Variants in TAPBP observed in about 807,000 individuals in gnomAD.
TAPBP encodes the protein tapasin.
A neutral mutation model predicts 45.7 loss-of-function variants in TAPBP; 38 were observed. That is an observed-to-expected ratio of 0.83 (90% CI 0.64 to 1.09). The LOEUF (loss-of-function observed/expected upper bound fraction) is 1.09, where lower values mean the gene tolerates loss of function less well. Ranked by LOEUF, TAPBP falls within the 50% of genes least tolerant of loss-of-function variation. The pLI, the probability that TAPBP is intolerant of heterozygous loss-of-function variation, is 0.00. For missense variants in TAPBP, 513 were observed against 587.3 expected (o/e 0.87, Z 1.31); for synonymous variants, 226 against 254.8 (o/e 0.89, Z 1.08).
Position 33,304,594 on chromosome 6 carries a change from C to A in TAPBP, c.913G>T (p.Ala305Ser), listed in dbSNP as rs199710908. Residue 305 changes from alanine (A) to serine (S), a missense_variant, in exon 5 of 8, where the codon GCC becomes TCC. Transcript: ENST00000434618. ...AATTCCGGGGGTGCCTCCCCTGGGG[C>A]GGCCCGTGCAAGGGTTGCTGGCATC... ...SLMPATLARAAPGEAPPELLC... is the reference protein window; with the variant it reads ...SLMPATLARASPGEAPPELLC... 1.4e-5 allele frequency: 23 copies of A among 1,596,080 alleles called. No homozygotes were observed. The highest frequency in any genetic ancestry group is 2.0e-5 in the Non-Finnish European group (23 of 1,176,734).
intron 3 of TAPBP, among the ~76,000 whole-genome samples, chr6:33,310,121 G>T (rs935110162): frequency 1.3e-5 from 2 of 151,894 alleles, no homozygotes; most frequent in African/African-American, 4.8e-5. Context: ...ACCTCCCAAA[G>T]TGCTGGAAGT....
intron 3 of TAPBP, among the ~76,000 whole-genome samples, chr6:33,310,653 CA>C (rs1036709256): frequency 7.9e-5 from 12 of 151,406 alleles, no homozygotes; most frequent in African/African-American, 1.2e-4. Flanking sequence ...CCCATCTCCA[CA>C]AAAAAAATAC....
rs1238266716 is a variant in TAPBP at position 33,309,547 on chromosome 6, G to GA, written c.469+3669dup. On this transcript the variant is annotated intron_variant, in intron 3 of 7. Coordinates refer to ENST00000434618, the MANE Select transcript of TAPBP (RefSeq NM_003190.5). The stretch of plus-strand genomic sequence containing the variant: ...AGCAAGACCCCATCTCTATTTAAAA[G>GA]AAAAAATTTAAAAAAATAATAAACA... 2.3e-5 allele frequency among the ~76,000 whole-genome samples: 3 copies of GA among 129,792 alleles called. No homozygotes were observed. The East Asian group carries it at 7.0e-4, about 30-fold the overall frequency. 85.1% of individuals were successfully genotyped at this position (129,792 alleles called of 152,430 possible).
In TAPBP at chr6:33,299,994, G is replaced by A. The variant is rs1037966489; in HGVS notation, c.*1766C>T. 1.3e-5 allele frequency: 2 copies of A among 153,882 alleles called. No homozygotes were observed. Among genetic ancestry groups the A allele is most frequent in the East Asian group, 1.9e-4 (1 of 5,200 alleles). The allele number at this position is 153,882 out of a possible 1,614,324, so 9.5% of individuals were successfully genotyped here. A position where few individuals can be genotyped will look rare whatever the true frequency, so the allele number is the denominator to read the frequency against. The stretch of plus-strand genomic sequence containing the variant: ...ACAACTGTGGTGAACCGCACAAGAG[G>A]GACGCGCGGCGGTCTGCGGGGAATG... On this transcript the variant is annotated 3_prime_UTR_variant, in exon 8 of 8. Coordinates refer to ENST00000434618, the MANE Select transcript of TAPBP (RefSeq NM_003190.5). The surrounding 1 kb of genome is among the most constrained non-coding windows in gnomAD (Gnocchi z 5.0).
intron 7 of TAPBP, 110 bp downstream of exon 7, chr6:33,303,845 T>C (rs1443986227): frequency 6.2e-7 from 1 of 1,607,106 alleles, no homozygotes; most frequent in East Asian, 2.2e-5. Flanking sequence ...CAGTGTGAAT[T>C]CCAAGCCTAG....
intron 3 of TAPBP, among the ~76,000 whole-genome samples, chr6:33,309,241 C>A (rs143200624): frequency 6.6e-6 from 1 of 151,854 alleles, no homozygotes; most frequent in East Asian, 1.9e-4. Context: ...CAGAATTATC[C>A]GGGCATGGTG....
rs116438544 is a variant in TAPBP, at chr6:33,308,420, C to T, written c.470-3033G>A. On this transcript the variant is annotated intron_variant, in intron 3 of 7. Transcript: ENST00000434618. ...AAGAACTTCTGATGGTTCGCTCTCA[C>T]CTACAGAACAAAGCCCAGCTTTCAA... is the stretch of plus-strand genomic sequence containing the variant. Among the ~76,000 whole-genome samples, 1,237 of 152,242 alleles carry T rather than the reference C, an allele frequency of 8.1e-3. 11 individuals carry two copies. Among genetic ancestry groups the T allele is most frequent in the African/African-American group, 0.028 (1,168 of 41,524 alleles).
At chr6:33,301,875 G>C in intron 7 of TAPBP, 104 bp from the exon 8 acceptor site, 3 of 1,532,582 alleles carry the variant, frequency 2.0e-6, no homozygotes, top group Non-Finnish European at 2.7e-6. Context: ...CAGATGATGG[G>C]AGAAGGATGA....
Position 33,301,764 on chromosome 6 carries a change from T to G in TAPBP, c.1343A>C (p.Glu448Ala). The change falls in exon 8 of 8, where the codon GAG becomes GCG. Residue 448 changes from glutamate (E) to alanine (A), a missense_variant. Physicochemically the swap from Glu to Ala is moderately radical, Grantham distance 107. Coordinates refer to ENST00000434618, the MANE Select transcript of TAPBP (RefSeq NM_003190.5). ...ACAGGATGGCAGTGAGTGCCCTCAC[T>G]CTGCTTTCTGGAAGAGAGGAAGGTG... ...STCKDSKKKA[E>A] 6.2e-7 allele frequency: 1 copy of G among 1,614,084 alleles called. No homozygotes were observed. Among genetic ancestry groups the G allele is most frequent in the Non-Finnish European group, 8.5e-7 (1 of 1,179,966 alleles).
rs1244026684 is a variant in TAPBP at position 33,304,488 on chromosome 6, G to C, written c.1019C>G (p.Ser340Cys). Reference sequence around the variant, plus strand: ...CCACCTCTGCCCCTCGGCCTTCTGAGAGCGGCCCCCTGGGCCACCCCGGAG... The same window carrying C: ...CCACCTCTGCCCCTCGGCCTTCTGACAGCGGCCCCCTGGGCCACCCCGGAG... Reference protein sequence around the residue: ...WELRGGPGGRSQKAEGQRWLS... With the variant: ...WELRGGPGGRCQKAEGQRWLS... The change falls in exon 5 of 8, where the codon TCT (serine) becomes TGT (cysteine). Residue 340 changes from serine (S) to cysteine (C), a missense_variant. Coordinates refer to ENST00000434618, the MANE Select transcript of TAPBP (RefSeq NM_003190.5). 3.1e-6 allele frequency: 5 copies of C among 1,613,224 alleles called. No homozygotes were observed. The highest frequency in any genetic ancestry group is 1.1e-5 in the South Asian group (1 of 90,952).
At chr6:33,306,789 A>G (rs1180770833) in intron 3 of TAPBP, among the ~76,000 whole-genome samples, 2 of 151,272 alleles carry the variant, frequency 1.3e-5, no homozygotes, top group Non-Finnish European at 3.0e-5. Context: ...AACCAGCCTG[A>G]CCAACATGGT....
Position 33,313,707 on chromosome 6 carries a change from A to T in TAPBP, c.195T>A (p.Tyr65Ter). ...CTAGAGACTCACCGTGTACACTGAG[A>T]TAGAGCTCAGGGTCGAGGTCCGGCC... ...PPRPDLDPELYLSVHDPAGAL... is the reference protein window; with the variant it reads ...PPRPDLDPEL Residue 65 changes from tyrosine to a stop codon, truncating the protein, a stop_gained, in exon 2 of 8, where the codon TAT (tyrosine) becomes TAA (stop). Transcript: ENST00000434618. LOFTEE classifies it high-confidence loss of function. This position sits in a 1 kb window ranked among gnomAD's most constrained non-coding sequence, Gnocchi z 7.2. 1 of 1,613,076 alleles carries T rather than the reference A, an allele frequency of 6.2e-7. No individual in the cohort carries two copies. The highest frequency in any genetic ancestry group is 8.5e-7 in the Non-Finnish European group (1 of 1,179,830).
At chr6:33,309,193 G>A (rs1769169251) in intron 3 of TAPBP, among the ~76,000 whole-genome samples, 1 of 151,998 alleles carries the variant, frequency 6.6e-6, no homozygotes, top group Non-Finnish European at 1.5e-5. Context: ...TTGGGAGTTT[G>A]AGACCAGACT....
chr6:33,303,543 T>C (rs1768727181), intron 7 of TAPBP: 1 of 587,314 alleles, frequency 1.7e-6, no homozygotes, highest in African/African-American at 1.9e-5. Flanking sequence ...TTCCAAAGTC[T>C]GAAAAAATCC....
chr6:33,302,109 G>C (rs904809649), intron 7 of TAPBP, among the ~76,000 whole-genome samples: 3 of 151,238 alleles, frequency 2.0e-5, no homozygotes, highest in African/African-American at 7.3e-5. Context: ...AATACTTAAG[G>C]TGAGAAAAGG....
chr6:33,312,451 C>T (rs1372803149), intron 3 of TAPBP, among the ~76,000 whole-genome samples: 1 of 152,206 alleles, frequency 6.6e-6, no homozygotes. Flanking sequence ...ACCCCGCCTC[C>T]GCTGCCAGGA....
intron 3 of TAPBP, among the ~76,000 whole-genome samples, chr6:33,311,771 T>C (rs774172185): frequency 9.2e-5 from 14 of 152,230 alleles, no homozygotes; most frequent in Non-Finnish European, 1.5e-4. Context: ...CTTTCTACTT[T>C]ACATTAGGAT....
chr6:33,311,315 T>G (rs893296850), intron 3 of TAPBP, among the ~76,000 whole-genome samples: 11 of 151,678 alleles, frequency 7.3e-5, no homozygotes, highest in African/African-American at 2.4e-4. Context: ...AGAGGGAGAC[T>G]CCGTCTCAAA....
chr6:33,307,801 C>T (rs1021213299), intron 3 of TAPBP, among the ~76,000 whole-genome samples: 38 of 152,228 alleles, frequency 2.5e-4, no homozygotes, highest in Admixed American at 1.2e-3. Context: ...AATATTAAAA[C>T]CTACAACCTA....
Sources: gnomAD v4.1 joint callset for allele counts (sites outside exome capture counted in the v4.1 genomes callset) on GRCh38, gnomAD v4.1.1 for gene constraint, Gnocchi (gnomAD v3.1) non-coding constraint, MANE v1.5 for transcripts, NCBI Gene and HGNC (gene_info 2026-07-23, HGNC 2026-07-21) for gene names.